Variants in DMD observed in about 807,000 individuals in gnomAD.
The protein encoded by DMD is mutant dystrophin.
In DMD, 63 loss-of-function variants were observed where a neutral mutation model predicts 330.1. The observed-to-expected ratio is 0.19, with a 90% CI of 0.16 to 0.24. The LOEUF is 0.24. DMD is among the 10% of genes least tolerant of loss of function. DMD has a pLI of 1.00. For synonymous variants in DMD, 1,223 were observed against 959.8 expected, an observed-to-expected ratio of 1.27 and a Z score of -5.07; for missense variants, 3,344 against 2,684.1, an observed-to-expected ratio of 1.25 and a Z score of -5.43.
intron 52 of DMD, among the ~76,000 whole-genome samples, chrX:31,684,701 TAGAAC>T (rs1325219032): frequency 8.9e-6 from 1 of 112,240 alleles, no homozygotes; most frequent in Non-Finnish European, 1.9e-5. Context: ...ATATCCATCT[TAGAAC>T]AATTAAGAGG....
At chrX:31,471,970 C>T (rs919962263) in intron 59 of DMD, among the ~76,000 whole-genome samples, 1 of 112,068 alleles carries the variant, frequency 8.9e-6, no homozygotes, top group Non-Finnish European at 1.9e-5. Flanking sequence ...CTGGTTACTC[C>T]AAATAACAGG....
intron 21 of DMD, among the ~76,000 whole-genome samples, chrX:32,478,715 T>C (rs1259482418): frequency 8.9e-6 from 1 of 111,796 alleles, no homozygotes; most frequent in African/African-American, 3.2e-5. Flanking sequence ...TATCCTCCAG[T>C]CAAAATATGC....
chrX:32,394,389 G>A (rs2098025618), intron 30 of DMD, among the ~76,000 whole-genome samples: 1 of 111,943 alleles, frequency 8.9e-6, no homozygotes, highest in South Asian at 3.7e-4. Context: ...GCATCAACAT[G>A]TTCTGAACCT....
intron 55 of DMD, among the ~76,000 whole-genome samples, chrX:31,572,673 C>G (rs1325241421): frequency 8.9e-6 from 1 of 112,088 alleles, no homozygotes; most frequent in Non-Finnish European, 1.9e-5. Flanking sequence ...TAGAATTTCC[C>G]CAGTGGGATT....
chrX:31,463,050 T>C (rs1352894366), intron 59 of DMD, among the ~76,000 whole-genome samples: 1 of 112,008 alleles, frequency 8.9e-6, no homozygotes, highest in Non-Finnish European at 1.9e-5. Context: ...GAATCCATTA[T>C]GGAAAATACC....
rs143924962 is a variant in DMD, at chrX:32,226,550, T to C, written c.6291-9487A>G. Reference sequence around the variant, plus strand: ...TTTGAATTCCTGGTACTAAGCGCTGTTCCTGGTACATGATAAATGTTGAAT... The same window carrying C: ...TTTGAATTCCTGGTACTAAGCGCTGCTCCTGGTACATGATAAATGTTGAAT... On this transcript the variant is annotated intron_variant, in intron 43 of 78. Transcript: ENST00000357033. 9.2e-3 allele frequency among the ~76,000 whole-genome samples: 1,033 copies of C among 111,936 alleles called. 9 individuals are homozygous for C. The highest frequency in any genetic ancestry group is 0.031 in the African/African-American group (960 of 30,840).
intron 55 of DMD, among the ~76,000 whole-genome samples, chrX:31,531,075 T>C (rs1206400351): frequency 2.1e-4 from 16 of 76,739 alleles, no homozygotes; most frequent in African/African-American, 8.3e-4. Flanking sequence ...CAGTCTATCA[T>C]TGTTGGACAT....
At chrX:31,412,206 A>AAAG (rs765872095) in intron 60 of DMD, among the ~76,000 whole-genome samples, 6,939 of 93,376 alleles carry the variant, frequency 0.074, 459 homozygotes, top group East Asian at 0.28. Flanking sequence ...AAAAAAAAAA[A>AAAG]AGAGAGAGAG....
chrX:32,139,653 C>T (rs1332046194), intron 44 of DMD, among the ~76,000 whole-genome samples: 2 of 112,011 alleles, frequency 1.8e-5, no homozygotes, highest in African/African-American at 6.5e-5. Flanking sequence ...GTTGATTGCA[C>T]TGTGCCAATG....
chrX:31,865,277 T>C (rs78024057), intron 48 of DMD, among the ~76,000 whole-genome samples: 6,058 of 111,551 alleles, frequency 0.054, 402 homozygotes, highest in African/African-American at 0.18. Context: ...GAGAAAAACA[T>C]TCAATAAATC....
At chrX:31,719,175 T>C (rs1439901568) in intron 52 of DMD, among the ~76,000 whole-genome samples, 8 of 112,011 alleles carry the variant, frequency 7.1e-5, no homozygotes, top group East Asian at 2.8e-4. Context: ...ACTGAAGTAA[T>C]ATAGTTTATT....
intron 2 of DMD, among the ~76,000 whole-genome samples, chrX:33,010,919 C>T (rs933944254): frequency 9.0e-6 from 1 of 111,142 alleles, no homozygotes; most frequent in Non-Finnish European, 1.9e-5. Flanking sequence ...TTCCTGGGTC[C>T]CACCCTAGAC....
chrX:32,093,916 C>CT (rs1322403184), intron 44 of DMD, among the ~76,000 whole-genome samples: 2 of 110,215 alleles, frequency 1.8e-5, no homozygotes, highest in Non-Finnish European at 3.8e-5. Context: ...TTTAACCCTC[C>CT]TTTAAAAAAA....
intron 60 of DMD, among the ~76,000 whole-genome samples, chrX:31,414,188 T>C (rs2061765335): frequency 9.1e-6 from 1 of 110,136 alleles, no homozygotes; most frequent in Admixed American, 9.7e-5. Context: ...TAGTTTTTTT[T>C]GTATTCAGTA....
chrX:32,249,554 A>G (rs1199316808), intron 43 of DMD, among the ~76,000 whole-genome samples: 1 of 111,399 alleles, frequency 9.0e-6, no homozygotes. Context: ...TGCCTATTTT[A>G]CTTATGAGAA....
chrX:31,645,785 T>C (rs1025416523), intron 54 of DMD, among the ~76,000 whole-genome samples: 1 of 112,143 alleles, frequency 8.9e-6, no homozygotes, highest in African/African-American at 3.2e-5. Flanking sequence ...CTTCCCCCCA[T>C]ACTTTCATAA....
At chrX:31,869,226 C>T (rs2093849506) in intron 48 of DMD, among the ~76,000 whole-genome samples, 1 of 110,855 alleles carries the variant, frequency 9.0e-6, no homozygotes, top group Admixed American at 9.6e-5. Context: ...ACCATTTTTG[C>T]TACCCCTATA....
intron 29 of DMD, among the ~76,000 whole-genome samples, chrX:32,425,381 C>G (rs2098207738): frequency 9.0e-6 from 1 of 111,257 alleles, no homozygotes; most frequent in Admixed American, 9.6e-5. Flanking sequence ...CTTCCAAAGT[C>G]AATCCTTCCA....
chrX:32,978,915 C>A (rs2092627950), intron 2 of DMD, among the ~76,000 whole-genome samples: 1 of 112,400 alleles, frequency 8.9e-6, no homozygotes, highest in African/African-American at 3.2e-5. Context: ...AAAAGAGTCA[C>A]TGTTTTAAAC....
Sources: allele counts gnomAD v4.1 joint callset (sites outside exome capture counted in the v4.1 genomes callset), GRCh38; gene constraint gnomAD v4.1.1; transcripts MANE v1.5; gene names NCBI Gene and HGNC (gene_info 2026-07-23, HGNC 2026-07-21).